The following RPS6KC1 variants were observed in gnomAD, a reference collection of about 807,000 sequenced individuals.
RPS6KC1 encodes the protein ribosomal protein S6 kinase C1.
Under a neutral mutation model 103.8 loss-of-function variants are expected in RPS6KC1, and 54 were observed. That is an observed-to-expected ratio of 0.52 (90% CI 0.42 to 0.65). RPS6KC1 has a LOEUF of 0.65. Among genes scored for constraint, RPS6KC1 ranks in the 30% least tolerant of loss-of-function variants. RPS6KC1 has a pLI of 0.00. For missense variants in RPS6KC1, 1,151 were observed against 1,253.8 expected (o/e 0.92, Z 1.24); for synonymous variants, 439 against 438.7 (o/e 1.00, Z -0.01).
the RPS6KC1 span, among the ~76,000 whole-genome samples, chr1:213,794,829 C>T: frequency 3.9e-5 from 6 of 152,146 alleles, no homozygotes; most frequent in Admixed American, 3.3e-4. Flanking sequence ...GACCTTTAAC[C>T]TATTTAATTG....
At chr1:213,586,091 A>G in the RPS6KC1 span, among the ~76,000 whole-genome samples, 1 of 152,166 alleles carries the variant, frequency 6.6e-6, no homozygotes, top group Admixed American at 6.5e-5. Flanking sequence ...CCCTCTCTGA[A>G]GTGCATTTCC....
the RPS6KC1 span, among the ~76,000 whole-genome samples, chr1:213,655,889 A>T: frequency 6.6e-6 from 1 of 152,174 alleles, no homozygotes; most frequent in African/African-American, 2.4e-5. Context: ...TTGTGATGTT[A>T]AGGAAACTCA....
At chr1:213,742,741 G>A in the RPS6KC1 span, among the ~76,000 whole-genome samples, 1 of 152,268 alleles carries the variant, frequency 6.6e-6, no homozygotes, top group Non-Finnish European at 1.5e-5. Context: ...AGGCCAAAGG[G>A]CCCCTGGTTG....
chr1:213,093,656 A>G (rs2081189997), intron 3 of RPS6KC1, among the ~76,000 whole-genome samples: 1 of 152,206 alleles, frequency 6.6e-6, no homozygotes, highest in African/African-American at 2.4e-5. Context: ...GCAGTCAGAT[A>G]GATTTAGACC....
intron 3 of RPS6KC1, among the ~76,000 whole-genome samples, chr1:213,095,777 A>G (rs966419335): frequency 6.6e-6 from 1 of 152,218 alleles, no homozygotes; most frequent in Non-Finnish European, 1.5e-5. Flanking sequence ...GTCTTAAAAA[A>G]GTACGTACCT....
At chr1:213,595,475 G>A in the RPS6KC1 span, among the ~76,000 whole-genome samples, 20 of 152,298 alleles carry the variant, frequency 1.3e-4, no homozygotes, top group South Asian at 3.9e-3. Flanking sequence ...TGTGGTGAGA[G>A]GACATTCCAA....
chr1:213,091,355 C>T (rs570631581), intron 3 of RPS6KC1, among the ~76,000 whole-genome samples: 192 of 151,898 alleles, frequency 1.3e-3, no homozygotes, highest in Admixed American at 2.1e-3. Context: ...CCACCGCGCC[C>T]GGCCTGGGAG....
the RPS6KC1 span, among the ~76,000 whole-genome samples, chr1:213,353,125 G>T: frequency 6.6e-6 from 1 of 152,204 alleles, no homozygotes; most frequent in Non-Finnish European, 1.5e-5. Flanking sequence ...ATCTCCACCA[G>T]CTATAATGTC....
the RPS6KC1 span, chr1:213,429,154 T>C: frequency 8.4e-4 from 128 of 152,392 alleles, no homozygotes; most frequent in Admixed American, 1.4e-3. Context: ...GTTCCTTTTT[T>C]CTTTTTTTCT....
chr1:213,588,531 C>A, the RPS6KC1 span, among the ~76,000 whole-genome samples: 5 of 152,242 alleles, frequency 3.3e-5, no homozygotes, highest in African/African-American at 9.6e-5. Flanking sequence ...GATCTCCTGA[C>A]CTTGTGATCT....
the RPS6KC1 span, among the ~76,000 whole-genome samples, chr1:213,308,334 A>G: frequency 6.8e-6 from 1 of 147,218 alleles, no homozygotes; most frequent in African/African-American, 2.5e-5. Flanking sequence ...AAAAAAAAAA[A>G]GAGAGAAAGA....
the RPS6KC1 span, among the ~76,000 whole-genome samples, chr1:213,364,077 T>C: frequency 0.031 from 4,677 of 152,174 alleles, 256 homozygotes; most frequent in African/African-American, 0.11. Context: ...TTTTAGGCTT[T>C]GTGGGCCATA....
the RPS6KC1 span, among the ~76,000 whole-genome samples, chr1:213,430,768 A>G: frequency 6.6e-6 from 1 of 152,252 alleles, no homozygotes; most frequent in African/African-American, 2.4e-5. Context: ...CAATTCACAA[A>G]GCCACAAAGA....
the RPS6KC1 span, among the ~76,000 whole-genome samples, chr1:213,405,973 G>A: frequency 6.6e-6 from 1 of 152,192 alleles, no homozygotes; most frequent in Non-Finnish European, 1.5e-5. Flanking sequence ...TCACCTGCTG[G>A]GGCTGGAGAG....
At chr1:213,734,693 A>T in the RPS6KC1 span, among the ~76,000 whole-genome samples, 99 of 152,376 alleles carry the variant, frequency 6.5e-4, no homozygotes, top group Non-Finnish European at 1.1e-3. Flanking sequence ...ACTGATTAAC[A>T]TACTATAATG....
intron 3 of RPS6KC1, among the ~76,000 whole-genome samples, chr1:213,090,212 G>T (rs1468028959): frequency 6.6e-6 from 1 of 152,140 alleles, no homozygotes; most frequent in East Asian, 1.9e-4. Flanking sequence ...ATCAGTCTGA[G>T]GAGTTTTAAG....
intron 14 of RPS6KC1, among the ~76,000 whole-genome samples, chr1:213,268,190 A>G (rs1171323310): frequency 1.3e-5 from 2 of 152,004 alleles, no homozygotes; most frequent in African/African-American, 2.4e-5. Flanking sequence ...GAAACAGTAA[A>G]AGGAAAATAA....
chr1:213,837,786 A>C, the RPS6KC1 span, among the ~76,000 whole-genome samples: 18,351 of 152,212 alleles, frequency 0.12, 2,141 homozygotes, highest in African/African-American at 0.3. Context: ...TGCTTCAACA[A>C]ATCAGTTTTC....
intron 12 of RPS6KC1, among the ~76,000 whole-genome samples, chr1:213,248,402 G>A (rs1573585873): frequency 6.6e-6 from 1 of 152,058 alleles, no homozygotes; most frequent in African/African-American, 2.4e-5. Flanking sequence ...AGTATGTTTA[G>A]TCCTTTGCCC....
Sources: gnomAD v4.1 joint callset for allele counts (sites outside exome capture counted in the v4.1 genomes callset) on GRCh38, gnomAD v4.1.1 for gene constraint, MANE v1.5 for transcripts, NCBI Gene and HGNC (gene_info 2026-07-23, HGNC 2026-07-21) for gene names.